ERBB4: variants seen among roughly 807,000 people sequenced by gnomAD.
ERBB4 encodes receptor tyrosine-protein kinase erbB-4.
A neutral mutation model predicts 158.0 loss-of-function variants in ERBB4; 42 were observed. The ratio of observed to expected loss-of-function variants is 0.27; its 90% confidence interval spans 0.21 to 0.34. The LOEUF is 0.34. Among genes scored for constraint, ERBB4 ranks in the 10% least tolerant of loss-of-function variants. The pLI, the probability that ERBB4 is intolerant of heterozygous loss-of-function variation, is 1.00. For missense variants in ERBB4, 1,333 were observed against 1,624.1 expected (o/e 0.82, Z 3.08); for synonymous variants, 583 against 558.7 (o/e 1.04, Z -0.61).
chr2:211,884,002 C>G (rs1334041018), intron 3 of ERBB4, among the ~76,000 whole-genome samples: 4 of 152,124 alleles, frequency 2.6e-5, no homozygotes, highest in Non-Finnish European at 5.9e-5. Context: ...AATTACTTCT[C>G]TATTGGAACT....
intron 1 of ERBB4, among the ~76,000 whole-genome samples, chr2:212,446,626 T>TATATATATATATATAC (rs2092362310): frequency 3.6e-5 from 3 of 84,312 alleles, no homozygotes; most frequent in Non-Finnish European, 5.0e-5. Context: ...TATATATATA[T>TATATATATATATATAC]ATATATATAT....
intron 1 of ERBB4, among the ~76,000 whole-genome samples, chr2:212,207,573 T>C (rs1316984158): frequency 1.3e-5 from 2 of 152,296 alleles, no homozygotes; most frequent in Non-Finnish European, 2.9e-5. Flanking sequence ...AAATATAATA[T>C]ATCAAGAACA....
chr2:211,650,306 A>G (rs1046761003), intron 16 of ERBB4, among the ~76,000 whole-genome samples: 10 of 152,096 alleles, frequency 6.6e-5, no homozygotes, highest in African/African-American at 2.2e-4. Context: ...TGTTTTAATT[A>G]AAATATGGGC....
intron 7 of ERBB4, among the ~76,000 whole-genome samples, chr2:211,721,443 C>CAAAAAAAAAAA (rs71054136): frequency 0.031 from 1,701 of 54,454 alleles, 345 homozygotes; most frequent in African/African-American, 0.043. Context: ...TTACTCAAAG[C>CAAAAAAAAAAA]AAAAAAAAAA....
At chr2:212,157,611 G>A (rs1368118953) in intron 1 of ERBB4, among the ~76,000 whole-genome samples, 1 of 152,022 alleles carries the variant, frequency 6.6e-6, no homozygotes, top group Non-Finnish European at 1.5e-5. Context: ...TGTATCTGAT[G>A]TCTATCTAAT....
At chr2:211,412,010 C>T (rs1327774086) in intron 25 of ERBB4, among the ~76,000 whole-genome samples, 1 of 151,736 alleles carries the variant, frequency 6.6e-6, no homozygotes, top group Non-Finnish European at 1.5e-5. Flanking sequence ...ATTATAGTAA[C>T]TTCTGTGAAG....
At chr2:211,937,369 G>A (rs951457899) in intron 3 of ERBB4, among the ~76,000 whole-genome samples, 2 of 151,852 alleles carry the variant, frequency 1.3e-5, no homozygotes, top group Admixed American at 1.3e-4. Flanking sequence ...AAAGATAATC[G>A]GCAGTGTCTA....
chr2:212,065,021 G>C (rs1365512196), intron 2 of ERBB4, among the ~76,000 whole-genome samples: 1 of 149,550 alleles, frequency 6.7e-6, no homozygotes, highest in East Asian at 2.0e-4. Flanking sequence ...GTGTGTGTGT[G>C]TGTGTGTTGT....
chr2:211,814,740 G>A (rs2076841294), intron 3 of ERBB4, among the ~76,000 whole-genome samples: 1 of 152,122 alleles, frequency 6.6e-6, no homozygotes, highest in Non-Finnish European at 1.5e-5. Context: ...TAGGCTTTGA[G>A]TCAGAAATTT....
Position 211,946,576 on chromosome 2 carries a change from C to CTTTTTTTTTTTT in ERBB4, c.421+842_421+853dup, listed in dbSNP as rs56007115. 8.1e-5 allele frequency among the ~76,000 whole-genome samples: 4 copies of CTTTTTTTTTTTT among 49,568 alleles called. 1 individual carries two copies. Among genetic ancestry groups the CTTTTTTTTTTTT allele is most frequent in the East Asian group, 1.5e-3 (2 of 1,312 alleles). The allele number at this position is 49,568 out of a possible 152,430, so 32.5% of individuals were successfully genotyped here. A position where few individuals can be genotyped will look rare whatever the true frequency, so the allele number is the denominator to read the frequency against. Reference sequence around the variant, plus strand: ...TACTAATTATTTACTAATTAGCTCTCTTTTTTTTTTTTTTTTTTTTTTTTT... The same window carrying CTTTTTTTTTTTT: ...TACTAATTATTTACTAATTAGCTCTCTTTTTTTTTTTTTTTTTTTTTTTTTTTTTTTTTTTTT... On this transcript the variant is annotated intron_variant, in intron 3 of 27. Coordinates refer to ENST00000342788, the MANE Select transcript of ERBB4 (RefSeq NM_005235.3).
At chr2:211,625,296 C>G (rs1457624564) in intron 17 of ERBB4, among the ~76,000 whole-genome samples, 5 of 152,070 alleles carry the variant, frequency 3.3e-5, no homozygotes, top group Non-Finnish European at 2.9e-5. Flanking sequence ...TGTCTTGAAC[C>G]CACCACAGTA....
intron 1 of ERBB4, among the ~76,000 whole-genome samples, chr2:212,379,212 T>C (rs1007739907): frequency 5.3e-5 from 8 of 151,772 alleles, no homozygotes; most frequent in Non-Finnish European, 1.2e-4. Flanking sequence ...TAAAGATAAG[T>C]GAAGCTCATG....
chr2:211,897,451 A>G (rs1329583169), intron 3 of ERBB4, among the ~76,000 whole-genome samples: 2 of 151,990 alleles, frequency 1.3e-5, no homozygotes, highest in Admixed American at 6.6e-5. Flanking sequence ...AAAAAAAAAA[A>G]AAAAATCTGC....
At chr2:211,586,049 C>G (rs941629817) in intron 19 of ERBB4, among the ~76,000 whole-genome samples, 1 of 152,132 alleles carries the variant, frequency 6.6e-6, no homozygotes, top group Admixed American at 6.5e-5. Context: ...ATTACCTCTT[C>G]TTCCTATCAA....
At chr2:211,921,642 A>G (rs1329725423) in intron 3 of ERBB4, among the ~76,000 whole-genome samples, 1 of 152,014 alleles carries the variant, frequency 6.6e-6, no homozygotes, top group African/African-American at 2.4e-5. Context: ...AAATAGGACA[A>G]TTTTACATAG....
chr2:212,246,001 G>T (rs756902022), intron 1 of ERBB4, among the ~76,000 whole-genome samples: 1 of 152,104 alleles, frequency 6.6e-6, no homozygotes, highest in African/African-American at 2.4e-5. Flanking sequence ...CTTTGCATCT[G>T]CCAGTGTTCC....
chr2:212,434,659 T>A (rs1375889651), intron 1 of ERBB4, among the ~76,000 whole-genome samples: 1 of 151,978 alleles, frequency 6.6e-6, no homozygotes, highest in Non-Finnish European at 1.5e-5. Flanking sequence ...AATCCTCTCT[T>A]GTGGCAGGCC....
At chr2:212,213,419 G>A (rs1427651440) in intron 1 of ERBB4, among the ~76,000 whole-genome samples, 3 of 151,880 alleles carry the variant, frequency 2.0e-5, no homozygotes, top group Non-Finnish European at 2.9e-5. Flanking sequence ...TTAGAAATGA[G>A]TAGAAGTTTA....
At chr2:212,221,231 G>T (rs1181275185) in intron 1 of ERBB4, among the ~76,000 whole-genome samples, 1 of 151,548 alleles carries the variant, frequency 6.6e-6, no homozygotes, top group Non-Finnish European at 1.5e-5. Context: ...GATGTCAGCT[G>T]CTAGAATCAA....
Sources: allele counts gnomAD v4.1 joint callset (sites outside exome capture counted in the v4.1 genomes callset), GRCh38; gene constraint gnomAD v4.1.1; transcripts MANE v1.5; gene names NCBI Gene and HGNC (gene_info 2026-07-23, HGNC 2026-07-21).